OR9Q1: variants seen among roughly 807,000 people sequenced by gnomAD.
OR9Q1 encodes the protein olfactory receptor family 9 subfamily Q member 1, also known as olfactory receptor 9Q1.
For synonymous variants in OR9Q1, 153 were observed against 148.6 expected (o/e 1.03, Z -0.22); for missense variants, 374 against 378.8 (o/e 0.99, Z 0.11).
chr11:58,094,391 T>C (rs55944360), intron 2 of OR9Q1, among the ~76,000 whole-genome samples: 6,349 of 152,220 alleles, frequency 0.042, 153 homozygotes, highest in African/African-American at 0.057. Context: ...TGCTACACAA[T>C]CTATCCACAT....
At chr11:58,076,833 A>T (rs1199105437) in intron 2 of OR9Q1, among the ~76,000 whole-genome samples, 2 of 152,156 alleles carry the variant, frequency 1.3e-5, no homozygotes, top group Non-Finnish European at 2.9e-5. Flanking sequence ...AGGAAATGTT[A>T]TAATTTTAGC....
At chr11:58,118,377 T>C (rs987481141) in intron 2 of OR9Q1, 7 of 668,368 alleles carry the variant, frequency 1.0e-5, no homozygotes, top group African/African-American at 8.9e-5. Context: ...CCTGTGTGCC[T>C]GGTGGTACCT....
chr11:58,150,223 C>A (rs2119892721), intron 2 of OR9Q1, among the ~76,000 whole-genome samples: 1 of 152,262 alleles, frequency 6.6e-6, no homozygotes, highest in East Asian at 1.9e-4. Context: ...TGATGTTGAA[C>A]ATCTTTCCAT....
At chr11:58,174,600 T>C (rs12576368) in intron 2 of OR9Q1, among the ~76,000 whole-genome samples, 30,037 of 149,820 alleles carry the variant, frequency 0.2, 3,450 homozygotes, top group Non-Finnish European at 0.27. Flanking sequence ...TTGTTTAACT[T>C]CATTTAACCC....
intron 1 of OR9Q1, among the ~76,000 whole-genome samples, chr11:58,055,328 C>A (rs1590560915): frequency 6.6e-6 from 1 of 152,190 alleles, no homozygotes; most frequent in South Asian, 2.1e-4. Context: ...GATGAAATTA[C>A]CTAAAAGCCT....
chr11:58,029,419 C>T (rs1853007351), intron 1 of OR9Q1, among the ~76,000 whole-genome samples: 1 of 152,194 alleles, frequency 6.6e-6, no homozygotes, highest in African/African-American at 2.4e-5. Context: ...GGCACAGCAT[C>T]ACTTCCCCCT....
intron 2 of OR9Q1, among the ~76,000 whole-genome samples, chr11:58,126,860 A>G (rs1250096438): frequency 6.6e-6 from 1 of 152,108 alleles, no homozygotes; most frequent in Non-Finnish European, 1.5e-5. Context: ...TATACAGTAG[A>G]TATTACCTTC....
intron 2 of OR9Q1, among the ~76,000 whole-genome samples, chr11:58,073,799 C>T (rs943175372): frequency 6.6e-6 from 1 of 152,148 alleles, no homozygotes; most frequent in African/African-American, 2.4e-5. Flanking sequence ...CTATCCCTCC[C>T]CTTGCCCCCC....
chr11:58,153,608 T>A (rs1854375800), intron 2 of OR9Q1, among the ~76,000 whole-genome samples: 1 of 152,054 alleles, frequency 6.6e-6, no homozygotes, highest in Non-Finnish European at 1.5e-5. Flanking sequence ...AAATGGAAAG[T>A]TTATTGATTT....
chr11:58,061,683 T>G (rs1853381524), intron 2 of OR9Q1, among the ~76,000 whole-genome samples: 1 of 152,250 alleles, frequency 6.6e-6, no homozygotes. Flanking sequence ...TTAGGGACTC[T>G]GGGGTTTTGG....
chr11:58,118,997 C>A, intron 2 of OR9Q1: 1 of 1,613,934 alleles, frequency 6.2e-7, no homozygotes, highest in Non-Finnish European at 8.5e-7. Flanking sequence ...ACCCCACAGA[C>A]ATAGGCTCCT....
intron 2 of OR9Q1, among the ~76,000 whole-genome samples, chr11:58,144,145 A>G (rs1854276976): frequency 1.3e-5 from 2 of 151,340 alleles, no homozygotes; most frequent in Admixed American, 6.6e-5. Flanking sequence ...GTCATTTAAC[A>G]TTAGGTATAT....
intron 1 of OR9Q1, among the ~76,000 whole-genome samples, chr11:58,028,052 TAC>T (rs1852992939): frequency 6.6e-6 from 1 of 151,572 alleles, no homozygotes; most frequent in Non-Finnish European, 1.5e-5. Context: ...CCTTGCTTTG[TAC>T]CAGGCCCTGG....
chr11:58,162,692 T>G (rs1289171695), intron 2 of OR9Q1, among the ~76,000 whole-genome samples: 1 of 152,224 alleles, frequency 6.6e-6, no homozygotes, highest in Non-Finnish European at 1.5e-5. Context: ...ATAATTCATA[T>G]ATTTTGAGTG....
At chr11:58,031,663 G>A (rs1853041038) in intron 1 of OR9Q1, 2 of 1,613,976 alleles carry the variant, frequency 1.2e-6, no homozygotes, top group African/African-American at 2.7e-5. Context: ...CAGCTGCTGA[G>A]CGCTGGAAGG....
intron 2 of OR9Q1, among the ~76,000 whole-genome samples, chr11:58,169,104 T>A (rs1404956261): frequency 6.6e-6 from 1 of 152,202 alleles, no homozygotes; most frequent in Non-Finnish European, 1.5e-5. Flanking sequence ...AATAATTTTC[T>A]CTGATTTTTA....
At chr11:58,118,515 C>G in intron 2 of OR9Q1, 3 of 1,601,912 alleles carry the variant, frequency 1.9e-6, no homozygotes, top group South Asian at 1.1e-5. Flanking sequence ...TGCTCAGGGA[C>G]ACCTGGAGTC....
intron 2 of OR9Q1, chr11:58,125,459 T>G (rs1269925031): frequency 6.6e-6 from 1 of 152,190 alleles, no homozygotes; most frequent in Non-Finnish European, 1.5e-5. Flanking sequence ...TGGATTTATC[T>G]TGGCCTTGTA....
At chr11:58,114,117 A>C (rs751167572) in intron 2 of OR9Q1, among the ~76,000 whole-genome samples, 21 of 152,172 alleles carry the variant, frequency 1.4e-4, no homozygotes, top group Admixed American at 1.4e-3. Context: ...AGCAGGTAGC[A>C]GGGCCAACAG....
Sources: allele counts gnomAD v4.1 joint callset (sites outside exome capture counted in the v4.1 genomes callset), GRCh38; gene constraint gnomAD v4.1.1; transcripts MANE v1.5; gene names NCBI Gene and HGNC (gene_info 2026-07-23, HGNC 2026-07-21).